SELENOI: variants seen among roughly 807,000 people sequenced by gnomAD.
SELENOI encodes ethanolaminephosphotransferase 1.
Under a neutral mutation model 50.7 loss-of-function variants are expected in SELENOI, and 24 were observed. The ratio of observed to expected loss-of-function variants is 0.47; its 90% CI spans 0.34 to 0.67. The LOEUF (loss-of-function observed/expected upper bound fraction) is 0.67, where lower values mean the gene tolerates loss of function less well. Among genes scored for constraint, SELENOI ranks in the 30% least tolerant of loss-of-function variants. SELENOI has a pLI of 0.01. For synonymous variants in SELENOI, 155 were observed against 170.2 expected, an observed-to-expected ratio of 0.91 and a Z score of 0.70; for missense variants, 352 against 461.4, an observed-to-expected ratio of 0.76 and a Z score of 2.17.
chr2:26,381,392 T>C (rs2147960776), intron 6 of SELENOI, among the ~76,000 whole-genome samples: 1 of 152,116 alleles, frequency 6.6e-6, no homozygotes, highest in South Asian at 2.1e-4. Context: ...AACAATTAAG[T>C]ACTCGTTTCA....
intron 1 of SELENOI, among the ~76,000 whole-genome samples, chr2:26,353,419 T>C (rs1267412464): frequency 6.6e-6 from 1 of 152,166 alleles, no homozygotes. Flanking sequence ...CAATAGAACA[T>C]GAGAAATTCT....
Position 26,389,005 on chromosome 2 carries a change from G to A in SELENOI, c.1096G>A (p.Val366Ile). The A allele has an allele frequency of 6.3e-7, 1 of 1,578,762 alleles. No homozygotes were observed. The highest frequency in any genetic ancestry group is 8.6e-7 in the Non-Finnish European group (1 of 1,160,406). The part of the protein sequence containing the change: ...LAHIHYGVRV[V>I]KQLSSHFQIY... Reference sequence around the variant, plus strand: ...TGTCTCATGTTCTGATTTTTCATAGGTAAAGCAGCTGAGCAGCCATTTTCA... The same window carrying A: ...TGTCTCATGTTCTGATTTTTCATAGATAAAGCAGCTGAGCAGCCATTTTCA... Residue 366 changes from valine (V) to isoleucine (I), a missense_variant and splice_region_variant, in exon 10 of 10, where the codon GTA becomes ATA. Coordinates refer to ENST00000260585, the MANE Select transcript of SELENOI (RefSeq NM_033505.4).
At chr2:26,374,374 CCA>C (rs1390316832) in intron 5 of SELENOI, among the ~76,000 whole-genome samples, 1 of 151,968 alleles carries the variant, frequency 6.6e-6, no homozygotes, top group Non-Finnish European at 1.5e-5. Context: ...GCCATTTTGC[CCA>C]TTTGCACCTA....
chr2:26,387,133 A>G (rs1178297851), intron 9 of SELENOI, among the ~76,000 whole-genome samples: 6 of 152,208 alleles, frequency 3.9e-5, no homozygotes, highest in Non-Finnish European at 8.8e-5. Context: ...GGGGAAATAT[A>G]GAAGAAAAGG....
chr2:26,346,212 G>A lies in SELENOI; in HGVS notation c.-21G>A, dbSNP rs1289349809. On this transcript the variant is annotated 5_prime_UTR_variant, in exon 1 of 10. Transcript: ENST00000260585. Reference sequence around the variant, plus strand: ...GTAGCCGGGAGTCGCTGCCGAGTGGGCGCTCAGTTTTCGGGTCGTCATGGC... The same window carrying A: ...GTAGCCGGGAGTCGCTGCCGAGTGGACGCTCAGTTTTCGGGTCGTCATGGC... 1 of 1,613,616 alleles carries A rather than the reference G, an allele frequency of 6.2e-7. No homozygotes were observed. Among genetic ancestry groups the A allele is most frequent in the South Asian group, 1.1e-5 (1 of 91,032 alleles).
Position 26,390,015 on chromosome 2 carries a change from C to G in SELENOI, c.*912C>G, listed in dbSNP as rs2147965457. 6.6e-6 allele frequency: 1 copy of G among 150,444 alleles called. No individual in the cohort carries two copies. The highest frequency in any genetic ancestry group is 2.5e-5 in the African/African-American group (1 of 40,628). 9.3% of individuals were successfully genotyped at this position (150,444 alleles called of 1,614,324 possible). ...AAATTAATTTTTTGATTCAGTTTGTCTGTCTGTCTGTCCTTCCCCTCTCTT... is the reference window on the plus strand; with the variant it reads ...AAATTAATTTTTTGATTCAGTTTGTGTGTCTGTCTGTCCTTCCCCTCTCTT... On this transcript the variant is annotated 3_prime_UTR_variant, in exon 10 of 10. Coordinates refer to ENST00000260585, the MANE Select transcript of SELENOI (RefSeq NM_033505.4).
chr2:26,347,249 T>C (rs117083298), intron 1 of SELENOI, among the ~76,000 whole-genome samples: 1 of 152,326 alleles, frequency 6.6e-6, no homozygotes, highest in East Asian at 1.9e-4. Context: ...ATGTGCGCTC[T>C]GTTCGTTTAT....
At chr2:26,378,632 C>T (rs1677619092) in intron 6 of SELENOI, among the ~76,000 whole-genome samples, 2 of 152,148 alleles carry the variant, frequency 1.3e-5, no homozygotes, top group Non-Finnish European at 2.9e-5. Flanking sequence ...GTAGGCAAGC[C>T]ACGAACTCAG....
At chr2:26,371,979 TTA>T (rs1677465101) in intron 4 of SELENOI, among the ~76,000 whole-genome samples, 1 of 152,204 alleles carries the variant, frequency 6.6e-6, no homozygotes, top group South Asian at 2.1e-4. Context: ...AACTCATTCT[TTA>T]TGTCCTCTAC....
At chr2:26,371,340 G>C (rs1415773094) in intron 4 of SELENOI, among the ~76,000 whole-genome samples, 1 of 151,908 alleles carries the variant, frequency 6.6e-6, no homozygotes, top group African/African-American at 2.4e-5. Context: ...TCCCAGACGG[G>C]GCGGCGGGGC....
At chr2:26,359,986 G>C (rs1677141493) in intron 1 of SELENOI, among the ~76,000 whole-genome samples, 1 of 152,200 alleles carries the variant, frequency 6.6e-6, no homozygotes. Context: ...GAGGGCTCTA[G>C]CTTACCCTAG....
intron 4 of SELENOI, among the ~76,000 whole-genome samples, chr2:26,371,580 T>C (rs533275127): frequency 2.0e-5 from 3 of 152,228 alleles, no homozygotes; most frequent in Non-Finnish European, 4.4e-5. Flanking sequence ...CATTGAGCAC[T>C]GAGTGAACCA....
Position 26,385,109 on chromosome 2 carries a change from T to C in SELENOI, c.882T>C (p.Phe294=), listed in dbSNP as rs1677811782. 6.2e-7 allele frequency: 1 copy of C among 1,601,124 alleles called. No homozygotes were observed. Among genetic ancestry groups the C allele is most frequent in the East Asian group, 2.2e-5 (1 of 44,592 alleles). Reference sequence around the variant, plus strand: ...AGCTACATCCTAGAGTATTCTACTTTATGGTTGGAACAGCTTTTGCCAACA... The same window carrying C: ...AGCTACATCCTAGAGTATTCTACTTCATGGTTGGAACAGCTTTTGCCAACA... ...ILELHPRVFY[F]MVGTAFANST... is the part of the protein sequence containing the mutation. Residue 294 remains phenylalanine (F), a synonymous_variant, in exon 8 of 10, where the codon TTT becomes TTC. Coordinates refer to ENST00000260585, the MANE Select transcript of SELENOI (RefSeq NM_033505.4).
At chr2:26,367,375 T>C (rs1677308809) in intron 4 of SELENOI, among the ~76,000 whole-genome samples, 155 bp downstream of exon 4, 1 of 152,262 alleles carries the variant, frequency 6.6e-6, no homozygotes, top group South Asian at 2.1e-4. Context: ...TGAGTTTCTT[T>C]ACAAAAAATT....
intron 1 of SELENOI, among the ~76,000 whole-genome samples, chr2:26,357,494 A>G (rs1438623624): frequency 1.3e-5 from 2 of 152,192 alleles, no homozygotes; most frequent in Non-Finnish European, 2.9e-5. Flanking sequence ...TAATTCTCTC[A>G]TAGTTACGGA....
At chr2:26,358,797 G>C (rs1201187738) in intron 1 of SELENOI, among the ~76,000 whole-genome samples, 1 of 152,202 alleles carries the variant, frequency 6.6e-6, no homozygotes, top group Non-Finnish European at 1.5e-5. Flanking sequence ...GAGAAAGATG[G>C]CTTTGCAGTC....
At position 26,360,707 on chromosome 2, in the gene SELENOI, G is replaced by A. The variant is rs192553674; in HGVS notation, c.58-3595G>A. ...AGTGATTTTTCATTTTATTTGCCCC[G>A]CTGGCTATATTTCGTGGTTCTGGGT... On this transcript the variant is annotated intron_variant, in intron 1 of 9. Transcript: ENST00000260585. Among the ~76,000 whole-genome samples, 27 of 152,212 alleles carry A rather than the reference G, an allele frequency of 1.8e-4. No individual in the cohort carries two copies. The East Asian group carries it at 5.2e-3, about 29-fold the overall frequency.
At chr2:26,357,799 G>A (rs1462075551) in intron 1 of SELENOI, among the ~76,000 whole-genome samples, 3 of 152,142 alleles carry the variant, frequency 2.0e-5, no homozygotes, top group African/African-American at 7.2e-5. Context: ...TTGCTTTGTT[G>A]CTGATATGCT....
intron 4 of SELENOI, among the ~76,000 whole-genome samples, chr2:26,369,514 T>C (rs1677363305): frequency 6.6e-6 from 1 of 152,214 alleles, no homozygotes; most frequent in South Asian, 2.1e-4. Flanking sequence ...CCCTCATCTT[T>C]TGCGGCATTT....
Sources: gnomAD v4.1 joint callset for allele counts (sites outside exome capture counted in the v4.1 genomes callset) on GRCh38, gnomAD v4.1.1 for gene constraint, MANE v1.5 for transcripts, NCBI Gene and HGNC (gene_info 2026-07-23, HGNC 2026-07-21) for gene names.